The following HYAL4 variants were observed in gnomAD, a reference collection of about 807,000 sequenced individuals.
HYAL4 encodes hyaluronidase-4.
A neutral mutation model predicts 35.2 loss-of-function variants in HYAL4; 37 were observed. The observed-to-expected ratio is 1.05, with a 90% CI of 0.81 to 1.38. HYAL4 has a LOEUF of 1.38. Among genes scored for constraint, HYAL4 ranks in the 40% most tolerant of loss-of-function variants. The pLI is 0.00. For synonymous variants in HYAL4, 198 were observed against 203.2 expected (o/e 0.97, Z 0.22); for missense variants, 572 against 572.4 (o/e 1.00, Z 0.01).
the HYAL4 span, among the ~76,000 whole-genome samples, chr7:123,810,504 G>T: frequency 6.6e-6 from 1 of 152,152 alleles, no homozygotes; most frequent in Non-Finnish European, 1.5e-5. Context: ...CATTCAAGTA[G>T]ACTTTACTTT....
chr7:123,838,289 C>G (rs1229763183), intron 1 of HYAL4, among the ~76,000 whole-genome samples: 2 of 144,820 alleles, frequency 1.4e-5, no homozygotes, highest in East Asian at 2.1e-4. Context: ...CAAAGAAACT[C>G]TGTGGAATTG....
the HYAL4 span, among the ~76,000 whole-genome samples, chr7:123,802,464 G>A: frequency 1.3e-5 from 2 of 152,054 alleles, no homozygotes; most frequent in African/African-American, 4.8e-5. Context: ...ATGCCTTTTG[G>A]CACACATCAA....
At chr7:123,864,356 A>G (rs769334904) in intron 2 of HYAL4, among the ~76,000 whole-genome samples, 30 of 152,152 alleles carry the variant, frequency 2.0e-4, no homozygotes, top group Admixed American at 3.3e-4. Flanking sequence ...ACTTCTAAGG[A>G]GAGAAACCTG....
chr7:123,821,009 C>T, the HYAL4 span, among the ~76,000 whole-genome samples: 1 of 152,160 alleles, frequency 6.6e-6, no homozygotes, highest in Non-Finnish European at 1.5e-5. Context: ...ACTAATATTT[C>T]ATTGTATGTA....
chr7:123,849,995 C>T (rs1357598830), intron 2 of HYAL4, among the ~76,000 whole-genome samples: 1 of 152,222 alleles, frequency 6.6e-6, no homozygotes, highest in African/African-American at 2.4e-5. Flanking sequence ...CTCTTACATA[C>T]CAATCAGGTA....
chr7:123,777,587 A>T, the HYAL4 span, among the ~76,000 whole-genome samples: 1 of 152,314 alleles, frequency 6.6e-6, no homozygotes, highest in East Asian at 1.9e-4. Context: ...ACACTCCTTG[A>T]GGATAGGTTC....
chr7:123,775,308 AGTACTAG>A, the HYAL4 span, among the ~76,000 whole-genome samples: 1 of 152,126 alleles, frequency 6.6e-6, no homozygotes, highest in Non-Finnish European at 1.5e-5. Context: ...ACATGCCTAT[AGTACTAG>A]CTACTCAAGA....
At chr7:123,846,072 C>T (rs892490408) in intron 1 of HYAL4, among the ~76,000 whole-genome samples, 1 of 152,206 alleles carries the variant, frequency 6.6e-6, no homozygotes, top group Non-Finnish European at 1.5e-5. Context: ...GTGGAATGGA[C>T]TCTGTGAAGG....
At chr7:123,796,053 A>G in the HYAL4 span, among the ~76,000 whole-genome samples, 1 of 152,252 alleles carries the variant, frequency 6.6e-6, no homozygotes, top group African/African-American at 2.4e-5. Flanking sequence ...CAGGAATCCA[A>G]TTGTTTGCAA....
chr7:123,847,500 T>C (rs1806199406), intron 1 of HYAL4, among the ~76,000 whole-genome samples: 1 of 152,126 alleles, frequency 6.6e-6, no homozygotes, highest in African/African-American at 2.4e-5. Flanking sequence ...GCTTTAGGCC[T>C]GGAGCGGTGG....
chr7:123,777,649 T>G, the HYAL4 span, among the ~76,000 whole-genome samples: 1 of 152,174 alleles, frequency 6.6e-6, no homozygotes, highest in Admixed American at 6.5e-5. Flanking sequence ...TAGCACCTGA[T>G]TTCGCTATAT....
the HYAL4 span, among the ~76,000 whole-genome samples, chr7:123,768,785 C>G: frequency 5.9e-5 from 9 of 152,108 alleles, no homozygotes; most frequent in Non-Finnish European, 1.2e-4. Context: ...ACTTTGGAGC[C>G]AAGAAAAGGA....
At chr7:123,856,092 A>G (rs1447092401) in intron 2 of HYAL4, among the ~76,000 whole-genome samples, 1 of 151,964 alleles carries the variant, frequency 6.6e-6, no homozygotes. Context: ...CCTACTTAGC[A>G]GTTCCTGTAA....
intron 2 of HYAL4, among the ~76,000 whole-genome samples, chr7:123,852,876 A>T (rs1015318696): frequency 6.6e-6 from 1 of 152,136 alleles, no homozygotes; most frequent in African/African-American, 2.4e-5. Context: ...CAAGCATGGA[A>T]TATTTTTCCA....
At chr7:123,808,478 G>A in the HYAL4 span, among the ~76,000 whole-genome samples, 1 of 148,546 alleles carries the variant, frequency 6.7e-6, no homozygotes, top group East Asian at 2.0e-4. Flanking sequence ...TTCTGGTTTA[G>A]ACCATCTCAG....
chr7:123,772,142 A>G, the HYAL4 span, among the ~76,000 whole-genome samples: 1 of 152,098 alleles, frequency 6.6e-6, no homozygotes, highest in East Asian at 1.9e-4. Flanking sequence ...CTCCATAATC[A>G]TGTGAGCCAA....
At chr7:123,857,687 TTCTTTCTTTC>T (rs1397640368) in intron 2 of HYAL4, among the ~76,000 whole-genome samples, 2 of 146,730 alleles carry the variant, frequency 1.4e-5, no homozygotes, top group Non-Finnish European at 3.0e-5. Flanking sequence ...CTTTCTTTCT[TTCTTTCTTTC>T]TTTCTTTCTT....
At chr7:123,837,650 A>G (rs972119810) in intron 1 of HYAL4, among the ~76,000 whole-genome samples, 1 of 149,794 alleles carries the variant, frequency 6.7e-6, no homozygotes, top group Non-Finnish European at 1.5e-5. Context: ...AACATTAGGT[A>G]TATCTTCTAA....
At chr7:123,834,791 G>T (rs1267832828) in intron 1 of HYAL4, among the ~76,000 whole-genome samples, 4 of 152,060 alleles carry the variant, frequency 2.6e-5, no homozygotes, top group Non-Finnish European at 5.9e-5. Flanking sequence ...AATCATAAAG[G>T]GACAATGGAT....
Sources: gnomAD v4.1 joint callset for allele counts (sites outside exome capture counted in the v4.1 genomes callset) on GRCh38, gnomAD v4.1.1 for gene constraint, MANE v1.5 for transcripts, NCBI Gene and HGNC (gene_info 2026-07-23, HGNC 2026-07-21) for gene names.